Variants in ECHDC3 observed in about 807,000 individuals in gnomAD.
ECHDC3 encodes the protein enoyl-CoA hydratase domain-containing protein 3, mitochondrial.
Under a neutral mutation model 17.9 loss-of-function variants are expected in ECHDC3, and 20 were observed. That is an observed-to-expected ratio of 1.12 (90% CI 0.79 to 1.63). The LOEUF (loss-of-function observed/expected upper bound fraction) is 1.63, where lower values mean the gene tolerates loss of function less well. ECHDC3 is among the 40% of genes most tolerant of loss of function. The probability of loss-of-function intolerance (pLI) is 0.00; values close to 1 mark genes in which losing one functional copy is unlikely to be tolerated. For missense variants in ECHDC3, 407 were observed against 357.7 expected (o/e 1.14, Z -1.11); for synonymous variants, 177 against 149.7 (o/e 1.18, Z -1.33).
In ECHDC3 at chr10:11,755,675, C is replaced by T. The variant is rs1832879335; in HGVS notation, c.591+67C>T. On this transcript the variant is annotated intron_variant, in intron 4 of 4. Transcript: ENST00000379215. ...TCCGGAGTTCCTCCTCCAGTGCATGCGATGATTCAAGATCCGCTTGTTAAA... is the reference window on the plus strand; with the variant it reads ...TCCGGAGTTCCTCCTCCAGTGCATGTGATGATTCAAGATCCGCTTGTTAAA... The T allele has an allele frequency of 2.0e-5, 29 of 1,428,944 alleles. 1 individual carries two copies. In the South Asian group the frequency reaches 3.3e-4, roughly 16 times the overall value. 88.5% of individuals were successfully genotyped at this position (1,428,944 alleles called of 1,614,324 possible). A position where few individuals can be genotyped will look rare whatever the true frequency, so the allele number is the denominator to read the frequency against.
rs201922599 is a variant in ECHDC3, at chr10:11,763,336, G to A, written c.704G>A (p.Arg235Gln). 2.4e-5 allele frequency: 19 copies of A among 780,212 alleles called. No homozygotes were observed. Among genetic ancestry groups the A allele is most frequent in the East Asian group, 2.4e-4 (10 of 41,236 alleles). The allele number at this position is 780,212 out of a possible 1,614,324, so 48.3% of individuals were successfully genotyped here. Reference protein sequence around the residue: ...PEAELQEETMRIARKIASLSR... With the variant: ...PEAELQEETMQIARKIASLSR... Reference sequence around the variant, plus strand: ...GCGGAGCTGCAGGAGGAGACCATGCGGATCGCTAGGAAGATCGCATCGCTG... The same window carrying A: ...GCGGAGCTGCAGGAGGAGACCATGCAGATCGCTAGGAAGATCGCATCGCTG... Residue 235 changes from arginine to glutamine, a missense_variant, in exon 5 of 5, where the codon CGG (arginine) becomes CAG (glutamine). Arg to Gln is a conservative substitution (Grantham distance 43). Coordinates refer to ENST00000379215, the MANE Select transcript of ECHDC3 (RefSeq NM_024693.5). The surrounding 1 kb of genome is among the most constrained non-coding windows in gnomAD (Gnocchi z 4.9).
chr10:11,746,099 G>A (rs1832755824), intron 1 of ECHDC3, among the ~76,000 whole-genome samples: 1 of 152,030 alleles, frequency 6.6e-6, no homozygotes, highest in East Asian at 1.9e-4. Flanking sequence ...AGGCTGAGGC[G>A]GGTGTATCAC....
At chr10:11,758,294 C>A (rs1364248743) in intron 4 of ECHDC3, among the ~76,000 whole-genome samples, 2 of 152,202 alleles carry the variant, frequency 1.3e-5, no homozygotes, top group Non-Finnish European at 2.9e-5. Context: ...CCCTGCCTGG[C>A]GCAGCTGCTC....
At chr10:11,762,881 C>T (rs1322634144) in intron 4 of ECHDC3, among the ~76,000 whole-genome samples, 1 of 152,018 alleles carries the variant, frequency 6.6e-6, no homozygotes, top group African/African-American at 2.4e-5. Context: ...ACCCCACCCC[C>T]ATACTGCAGT....
chr10:11,744,994 G>A (rs111750955), intron 1 of ECHDC3, among the ~76,000 whole-genome samples: 2 of 152,212 alleles, frequency 1.3e-5, no homozygotes, highest in Non-Finnish European at 2.9e-5. Flanking sequence ...GGGGTGAACA[G>A]AGGGCTAGTA....
chr10:11,747,966 G>A (rs1291568983), intron 2 of ECHDC3, among the ~76,000 whole-genome samples: 2 of 152,116 alleles, frequency 1.3e-5, no homozygotes, highest in Admixed American at 1.3e-4. Flanking sequence ...GTGATGATGG[G>A]ACTGGTATAA....
intron 3 of ECHDC3, among the ~76,000 whole-genome samples, chr10:11,752,971 T>C (rs1832843129): frequency 6.6e-6 from 1 of 152,248 alleles, no homozygotes; most frequent in Non-Finnish European, 1.5e-5. Context: ...ATATTTATAT[T>C]ATTTATAGTT....
intron 1 of ECHDC3, among the ~76,000 whole-genome samples, chr10:11,744,874 T>C (rs1254035325): frequency 1.3e-5 from 2 of 152,178 alleles, no homozygotes; most frequent in African/African-American, 4.8e-5. Context: ...GACATCGGGA[T>C]GAACGCGTGC....
At chr10:11,761,158 A>G (rs868290289) in intron 4 of ECHDC3, among the ~76,000 whole-genome samples, 5 of 152,196 alleles carry the variant, frequency 3.3e-5, no homozygotes, top group East Asian at 3.8e-4. Context: ...TCCAAGTTCA[A>G]TTCTGGGGGA....
intron 2 of ECHDC3, among the ~76,000 whole-genome samples, chr10:11,748,808 C>T (rs375560762): frequency 1.3e-5 from 2 of 152,154 alleles, no homozygotes; most frequent in South Asian, 4.1e-4. Flanking sequence ...ATTGCTTGAA[C>T]CTGGGAGGCA....
At position 11,747,337 on chromosome 10, in the gene ECHDC3, T is replaced by C; in HGVS notation, c.171-12T>C. The C allele has an allele frequency of 6.2e-7, 1 of 1,613,258 alleles. No homozygotes were observed. The highest frequency in any genetic ancestry group is 8.5e-7 in the Non-Finnish European group (1 of 1,179,522). ...GGTGTGTGACCCTGTGATTGTAAAA[T>C]GTTCTTCACAGGAACATCGTCTTGA... is the stretch of plus-strand genomic sequence containing the variant. On this transcript the variant is annotated splice_polypyrimidine_tract_variant and intron_variant, in intron 1 of 4. Coordinates refer to ENST00000379215, the MANE Select transcript of ECHDC3 (RefSeq NM_024693.5).
rs1832980533 is a variant in ECHDC3, at chr10:11,763,664, G to T, written c.*120G>T. 1 of 1,432,618 alleles carries T rather than the reference G, an allele frequency of 7.0e-7. No individual in the cohort carries two copies. The highest frequency in any genetic ancestry group is 1.4e-5 in the African/African-American group (1 of 69,668). The allele number at this position is 1,432,618 out of a possible 1,614,324, so 88.7% of individuals were successfully genotyped here. ...AGGCTGCTTTCGTGACTTGATATTG[G>T]TGTCATAGCATTTGGCCTACATTAA... is the stretch of plus-strand genomic sequence containing the variant. On this transcript the variant is annotated 3_prime_UTR_variant, in exon 5 of 5. Coordinates refer to ENST00000379215, the MANE Select transcript of ECHDC3 (RefSeq NM_024693.5). The surrounding 1 kb of genome is among the most constrained non-coding windows in gnomAD (Gnocchi z 4.9).
At position 11,763,773 on chromosome 10, in the gene ECHDC3, G is replaced by T; in HGVS notation, c.*229G>T. The T allele has an allele frequency of 7.6e-7, 1 of 1,319,280 alleles. No individual in the cohort carries two copies. The highest frequency in any genetic ancestry group is 1.5e-5 in the African/African-American group (1 of 67,170). The allele number at this position is 1,319,280 out of a possible 1,614,324, so 81.7% of individuals were successfully genotyped here. A position where few individuals can be genotyped will look rare whatever the true frequency, so the allele number is the denominator to read the frequency against. On this transcript the variant is annotated 3_prime_UTR_variant, in exon 5 of 5. Transcript: ENST00000379215. The surrounding 1 kb of genome is among the most constrained non-coding windows in gnomAD (Gnocchi z 4.9). ...TGCAAGGCTGGTGAACCCTGCAGCG[G>T]GCCAGCTATGGTGGGAAGCCTGGCA...
chr10:11,755,241 G>A, intron 3 of ECHDC3, 167 bp from the exon 4 acceptor site: 1 of 590,750 alleles, frequency 1.7e-6, no homozygotes, highest in East Asian at 3.1e-5. Flanking sequence ...CAGGAGGATG[G>A]CTTGAACTCG....
At chr10:11,747,568 TG>T (rs1832776490) in intron 2 of ECHDC3, 98 bp downstream of exon 2, 1 of 1,427,152 alleles carries the variant, frequency 7.0e-7, no homozygotes, top group Admixed American at 2.0e-5. Flanking sequence ...ACTGGAGAAT[TG>T]TTTTGAAGCT....
intron 2 of ECHDC3, 68 bp downstream of exon 2, chr10:11,747,538 C>T (rs1474058591): frequency 6.4e-7 from 1 of 1,552,450 alleles, no homozygotes; most frequent in South Asian, 1.2e-5. Flanking sequence ...CTTTAGTAAA[C>T]TGGGGCATCC....
chr10:11,747,833 T>C (rs1168156931), intron 2 of ECHDC3, among the ~76,000 whole-genome samples: 1 of 152,238 alleles, frequency 6.6e-6, no homozygotes, highest in African/African-American at 2.4e-5. Context: ...GTCTGACTTT[T>C]CTTTTCTTAC....
At position 11,742,702 on chromosome 10, in the gene ECHDC3, G is replaced by A; in HGVS notation, c.126G>A (p.Glu42=). ...SRDPAGAGRR[E]SEPRPTSARQ... ...ACCCGGCCGGGGCGGGGCGGCGGGA[G>A]TCGGAGCCGCGGCCCACCAGCGCGC... is the stretch of plus-strand genomic sequence containing the variant. The change falls in exon 1 of 5, where the codon GAG becomes GAA. Residue 42 remains glutamate, a synonymous_variant. Transcript: ENST00000379215. 1 of 1,241,082 alleles carries A rather than the reference G, an allele frequency of 8.1e-7. No homozygotes were observed. The highest frequency in any genetic ancestry group is 1.0e-6 in the Non-Finnish European group (1 of 993,542). 76.9% of individuals were successfully genotyped at this position (1,241,082 alleles called of 1,614,324 possible). A position where few individuals can be genotyped will look rare whatever the true frequency, so the allele number is the denominator to read the frequency against.
chr10:11,747,029 G>T (rs901107240), intron 1 of ECHDC3, among the ~76,000 whole-genome samples: 3 of 152,190 alleles, frequency 2.0e-5, no homozygotes, highest in Non-Finnish European at 2.9e-5. Flanking sequence ...AGCCTCTCTG[G>T]GTGGTGTTGA....
Sources: allele counts gnomAD v4.1 joint callset (sites outside exome capture counted in the v4.1 genomes callset), GRCh38; gene constraint gnomAD v4.1.1; non-coding constraint Gnocchi (gnomAD v3.1); transcripts MANE v1.5; gene names NCBI Gene and HGNC (gene_info 2026-07-23, HGNC 2026-07-21).